The following DIP2C variants were observed in gnomAD, a reference collection of about 807,000 sequenced individuals.
DIP2C encodes DIP2 acetate--CoA ligase C (putative).
In DIP2C, 33 loss-of-function variants were observed where a neutral mutation model predicts 192.4. The ratio of observed to expected loss-of-function variants is 0.17; its 90% CI spans 0.13 to 0.23. DIP2C has a LOEUF of 0.23. Among genes scored for constraint, DIP2C ranks in the 10% least tolerant of loss-of-function variants. The pLI is 1.00. For synonymous variants in DIP2C, 979 were observed against 864.1 expected, an observed-to-expected ratio of 1.13 and a Z score of -2.33; for missense variants, 1,537 against 2,110.1, an observed-to-expected ratio of 0.73 and a Z score of 5.32.
intron 3 of DIP2C, among the ~76,000 whole-genome samples, chr10:466,893 G>A (rs905992234): frequency 5.5e-5 from 8 of 144,540 alleles, no homozygotes; most frequent in Non-Finnish European, 1.1e-4. Flanking sequence ...ACAGGTGCTG[G>A]AGAGGATGTG....
At chr10:615,982 T>C (rs1178160636) in intron 1 of DIP2C, among the ~76,000 whole-genome samples, 1 of 152,150 alleles carries the variant, frequency 6.6e-6, no homozygotes, top group African/African-American at 2.4e-5. Flanking sequence ...GCTCAGACCA[T>C]AGACAAACTC....
At chr10:687,633 T>C (rs1831382768) in intron 1 of DIP2C, among the ~76,000 whole-genome samples, 1 of 152,048 alleles carries the variant, frequency 6.6e-6, no homozygotes, top group Non-Finnish European at 1.5e-5. Context: ...AGACGCAAGG[T>C]GTTCACAGGG....
At chr10:509,403 C>A (rs923854242) in intron 1 of DIP2C, among the ~76,000 whole-genome samples, 3 of 152,316 alleles carry the variant, frequency 2.0e-5, no homozygotes, top group Non-Finnish European at 2.9e-5. Context: ...AGGTCCTTCC[C>A]TGGATCCATC....
In DIP2C at chr10:366,277, CA is replaced by C. The variant is rs755915835; in HGVS notation, c.2265del (p.Phe755LeufsTer6). 6.2e-7 allele frequency: 1 copy of C among 1,612,936 alleles called. No homozygotes were observed. Among genetic ancestry groups the C allele is most frequent in the Admixed American group, 1.7e-5 (1 of 59,900 alleles). On this transcript the variant is annotated frameshift_variant, in exon 19 of 37. Transcript: ENST00000280886. LOFTEE classifies it high-confidence loss of function. ...TGGTAAGACTCTCCTCCACCTACCT[CA>C]AAGGTGTTCTTGGTCATGCCAGAGA... ...YGLSGMTKNT[F>X]EVFPMTSSGA...
At chr10:584,102 G>T (rs544283465) in intron 1 of DIP2C, among the ~76,000 whole-genome samples, 15 of 152,156 alleles carry the variant, frequency 9.9e-5, no homozygotes, top group South Asian at 2.1e-4. Context: ...AGGCTGCCCT[G>T]AAGTCTCCCC....
intron 1 of DIP2C, among the ~76,000 whole-genome samples, chr10:537,822 C>T (rs550619046): frequency 2.6e-5 from 4 of 151,998 alleles, no homozygotes; most frequent in Non-Finnish European, 4.4e-5. Flanking sequence ...GACCGAGTCT[C>T]GCTCTGTAGT....
rs12413468 is a variant in DIP2C at position 448,070 on chromosome 10, C to T, written c.269-7074G>A. On this transcript the variant is annotated intron_variant, in intron 3 of 36. Coordinates refer to ENST00000280886, the MANE Select transcript of DIP2C (RefSeq NM_014974.3). ...TAGGGCAGCAGGACCCACTCATCCC[C>T]GTCTATACTCAGGATCACACACAGT... Among the ~76,000 whole-genome samples the T allele has an allele frequency of 3.0e-3, 364 of 120,998 alleles. 2 individuals carry two copies. The highest frequency in any genetic ancestry group is 0.025 in the Admixed American group (319 of 12,786). 79.4% of individuals were successfully genotyped at this position (120,998 alleles called of 152,430 possible).
chr10:296,735 G>C (rs949233217), intron 32 of DIP2C, among the ~76,000 whole-genome samples: 2 of 151,860 alleles, frequency 1.3e-5, no homozygotes, highest in Admixed American at 1.3e-4. Flanking sequence ...CATGTTCTTT[G>C]TAGGAACATG....
intron 26 of DIP2C, among the ~76,000 whole-genome samples, chr10:346,686 CACCCA>C (rs376250210): frequency 2.4e-4 from 10 of 42,044 alleles, no homozygotes; most frequent in East Asian, 7.3e-4. Context: ...ACGTCACACA[CACCCA>C]ACCCAGACAC....
At chr10:626,239 C>T (rs985151215) in intron 1 of DIP2C, among the ~76,000 whole-genome samples, 3 of 152,174 alleles carry the variant, frequency 2.0e-5, no homozygotes, top group Non-Finnish European at 4.4e-5. Flanking sequence ...GAAACTGGGG[C>T]GGAAACACCA....
chr10:418,728 G>A (rs763021309), intron 6 of DIP2C, among the ~76,000 whole-genome samples: 2 of 152,198 alleles, frequency 1.3e-5, no homozygotes, highest in African/African-American at 2.4e-5. Flanking sequence ...GACTGTTCAT[G>A]GTCTTAACAC....
At chr10:484,646 T>TG (rs1411216045) in intron 2 of DIP2C, 1 of 1,273,484 alleles carries the variant, frequency 7.9e-7, no homozygotes, top group Non-Finnish European at 1.1e-6. Flanking sequence ...TGGAGCGACC[T>TG]GGCTCACTGG....
intron 4 of DIP2C, among the ~76,000 whole-genome samples, chr10:424,092 T>C (rs1277251341): frequency 6.6e-6 from 1 of 152,174 alleles, no homozygotes; most frequent in Non-Finnish European, 1.5e-5. Flanking sequence ...AACTTCAATT[T>C]AAGAATGACA....
At chr10:446,782 G>C (rs547170084) in intron 3 of DIP2C, among the ~76,000 whole-genome samples, 4 of 152,126 alleles carry the variant, frequency 2.6e-5, no homozygotes, top group African/African-American at 9.7e-5. Flanking sequence ...TTCGTATAAC[G>C]ACTATTAAAT....
chr10:418,253 A>AC lies in DIP2C; in HGVS notation c.739+811dup, dbSNP rs541029583. ...AGGGCTTCGATAGGCCTCCCTGTTC[A>AC]CTGCACCTGTCAGGCCTCAGATAGG... On this transcript the variant is annotated intron_variant, in intron 6 of 36. Transcript: ENST00000280886. Among the ~76,000 whole-genome samples, 57 of 116,152 alleles carry AC rather than the reference A, an allele frequency of 4.9e-4. 2 individuals carry two copies. Among genetic ancestry groups the AC allele is most frequent in the African/African-American group, 1.2e-3 (34 of 28,656 alleles). The allele number at this position is 116,152 out of a possible 152,430, so 76.2% of individuals were successfully genotyped here.
At chr10:317,201 C>A (rs1956811931) in intron 31 of DIP2C, among the ~76,000 whole-genome samples, 1 of 152,176 alleles carries the variant, frequency 6.6e-6, no homozygotes, top group African/African-American at 2.4e-5. Flanking sequence ...AATGGGGGTT[C>A]TGGAATGGAT....
intron 7 of DIP2C, among the ~76,000 whole-genome samples, chr10:414,739 G>GTGTGTGTGTGTGTGTATATA: frequency 3.3e-5 from 3 of 90,510 alleles, no homozygotes; most frequent in Non-Finnish European, 2.1e-5. Context: ...GTGTGTGTGT[G>GTGTGTGTGTGTGTGTATATA]TACATATATA....
intron 29 of DIP2C, among the ~76,000 whole-genome samples, chr10:335,681 C>G (rs1196015986): frequency 1.3e-5 from 2 of 152,240 alleles, no homozygotes; most frequent in East Asian, 3.8e-4. Flanking sequence ...GGATGCGGCT[C>G]TCTTCATCCC....
At chr10:601,462 T>A (rs1326511598) in intron 1 of DIP2C, among the ~76,000 whole-genome samples, 2 of 152,228 alleles carry the variant, frequency 1.3e-5, no homozygotes, top group African/African-American at 4.8e-5. Flanking sequence ...TGGCTCCAGA[T>A]GGATGTGGTG....
Sources: gnomAD v4.1 joint callset for allele counts (sites outside exome capture counted in the v4.1 genomes callset) on GRCh38, gnomAD v4.1.1 for gene constraint, MANE v1.5 for transcripts, NCBI Gene and HGNC (gene_info 2026-07-23, HGNC 2026-07-21) for gene names.